The following ZNF536 variants were observed in gnomAD, a reference collection of about 807,000 sequenced individuals.
ZNF536 encodes zinc finger protein 536.
A neutral mutation model predicts 84.5 loss-of-function variants in ZNF536; 13 were observed. The ratio of observed to expected loss-of-function variants is 0.15; its 90% CI spans 0.10 to 0.24. The LOEUF is 0.24. Among genes scored for constraint, ZNF536 ranks in the 10% least tolerant of loss-of-function variants. The pLI, the probability that ZNF536 is intolerant of heterozygous loss-of-function variation, is 1.00. For missense variants in ZNF536, 1,536 were observed against 1,747.5 expected (o/e 0.88, Z 2.16); for synonymous variants, 811 against 742.5 (o/e 1.09, Z -1.50).
At chr19:30,437,129 TA>T (rs1233748617) in intron 1 of ZNF536, among the ~76,000 whole-genome samples, 1 of 152,250 alleles carries the variant, frequency 6.6e-6, no homozygotes, top group Non-Finnish European at 1.5e-5. Flanking sequence ...GCAAGATCTA[TA>T]TTTTTTTGGA....
rs531828089 is a variant in ZNF536, at chr19:30,446,530, G to A, written c.2170+798G>A. 9.2e-5 allele frequency among the ~76,000 whole-genome samples: 14 copies of A among 151,938 alleles called. No individual in the cohort carries two copies. The East Asian group carries it at 1.7e-3, about 19-fold the overall frequency. ...CCCATAATTCTCTCATGCAGGCACCGCAGTCTCCCTCCCCAAGCCAAACCT... is the reference window on the plus strand; with the variant it reads ...CCCATAATTCTCTCATGCAGGCACCACAGTCTCCCTCCCCAAGCCAAACCT... On this transcript the variant is annotated intron_variant, in intron 2 of 4. Transcript: ENST00000355537.
At chr19:30,267,958 T>G (rs1269837185) in intron 1 of ZNF536, among the ~76,000 whole-genome samples, 1 of 152,048 alleles carries the variant, frequency 6.6e-6, no homozygotes, top group Non-Finnish European at 1.5e-5. Context: ...TTATGATATC[T>G]GTTCTTGGCA....
At chr19:30,412,180 A>G (rs1306850149) in intron 1 of ZNF536, among the ~76,000 whole-genome samples, 1 of 152,066 alleles carries the variant, frequency 6.6e-6, no homozygotes, top group East Asian at 1.9e-4. Context: ...ACTGTGAATA[A>G]TGACAGTTTT....
chr19:30,692,361 T>C (rs1259008260), intron 1 of ZNF536, among the ~76,000 whole-genome samples: 1 of 151,950 alleles, frequency 6.6e-6, no homozygotes, highest in Non-Finnish European at 1.5e-5. Flanking sequence ...TCTGGGAGAG[T>C]GGCTTTGCAG....
At chr19:30,544,722 C>G (rs141246527) in intron 3 of ZNF536, among the ~76,000 whole-genome samples, 1 of 152,310 alleles carries the variant, frequency 6.6e-6, no homozygotes, top group Non-Finnish European at 1.5e-5. Context: ...GTGTGTGAAT[C>G]AAACTGAAGG....
intron 1 of ZNF536, among the ~76,000 whole-genome samples, chr19:30,409,003 G>C (rs2050376825): frequency 7.9e-6 from 1 of 126,076 alleles, no homozygotes; most frequent in Non-Finnish European, 1.7e-5. Flanking sequence ...ATCATCCATT[G>C]GTCCATCCAT....
At chr19:30,570,702 G>A (rs1331158150) in intron 1 of ZNF536, among the ~76,000 whole-genome samples, 1 of 151,920 alleles carries the variant, frequency 6.6e-6, no homozygotes, top group Non-Finnish European at 1.5e-5. Flanking sequence ...TCTTTACTTT[G>A]TTTTTAAGGG....
chr19:30,329,657 A>G (rs903161776), intron 2 of ZNF536, among the ~76,000 whole-genome samples: 2 of 152,234 alleles, frequency 1.3e-5, no homozygotes, highest in African/African-American at 4.8e-5. Context: ...GGCGTGATAC[A>G]GACAAAAGTT....
intron 1 of ZNF536, among the ~76,000 whole-genome samples, chr19:30,394,067 A>G (rs953804333): frequency 2.6e-5 from 4 of 152,304 alleles, no homozygotes; most frequent in African/African-American, 9.6e-5. Context: ...GGGCACGTGC[A>G]GATGGAAAAA....
intron 2 of ZNF536, among the ~76,000 whole-genome samples, chr19:30,488,714 T>C (rs2054390956): frequency 6.6e-6 from 1 of 152,088 alleles, no homozygotes; most frequent in African/African-American, 2.4e-5. Flanking sequence ...GCTGGAGGAA[T>C]CTGTGCCGAA....
intron 1 of ZNF536, among the ~76,000 whole-genome samples, chr19:30,403,997 T>A (rs2050158134): frequency 6.6e-6 from 1 of 152,004 alleles, no homozygotes; most frequent in Non-Finnish European, 1.5e-5. Flanking sequence ...CCTCTACATT[T>A]TTTTCTTTCC....
intron 1 of ZNF536, among the ~76,000 whole-genome samples, chr19:30,416,931 T>A (rs1295063819): frequency 6.6e-6 from 1 of 152,132 alleles, no homozygotes; most frequent in Non-Finnish European, 1.5e-5. Flanking sequence ...TATTTGAGGC[T>A]GTTCTTTGGC....
intron 1 of ZNF536, among the ~76,000 whole-genome samples, chr19:30,380,525 T>C (rs1168247590): frequency 6.6e-6 from 1 of 151,942 alleles, no homozygotes; most frequent in African/African-American, 2.4e-5. Context: ...CACAGAAGAG[T>C]CATAAATGTT....
chr19:30,589,161 G>A (rs760573308), intron 1 of ZNF536, among the ~76,000 whole-genome samples: 4 of 152,180 alleles, frequency 2.6e-5, no homozygotes, highest in Non-Finnish European at 5.9e-5. Flanking sequence ...GGCCATGCTT[G>A]GGAGGGCTCT....
chr19:30,370,239 G>C (rs1212226489), upstream of ZNF536, among the ~76,000 whole-genome samples: 1 of 152,214 alleles, frequency 6.6e-6, no homozygotes, highest in African/African-American at 2.4e-5. Flanking sequence ...GATTAGTGGA[G>C]TGCTATACTT....
chr19:30,681,960 C>G (rs1403629407), intron 1 of ZNF536, among the ~76,000 whole-genome samples: 3 of 152,142 alleles, frequency 2.0e-5, no homozygotes, highest in African/African-American at 7.2e-5. Flanking sequence ...TCCACTGTGT[C>G]TTCCGTAAGC....
At chr19:30,451,244 T>C (rs2052593062) in intron 2 of ZNF536, among the ~76,000 whole-genome samples, 1 of 152,244 alleles carries the variant, frequency 6.6e-6, no homozygotes, top group Non-Finnish European at 1.5e-5. Flanking sequence ...GTCTGTCCAC[T>C]TGGGACGCCC....
At chr19:30,576,036 C>G (rs2046723668) in intron 1 of ZNF536, among the ~76,000 whole-genome samples, 1 of 152,182 alleles carries the variant, frequency 6.6e-6, no homozygotes, top group Non-Finnish European at 1.5e-5. Flanking sequence ...GTATAAGGGT[C>G]AAGTGTGCCC....
At chr19:30,256,678 CG>C (rs2024932960) in intron 1 of ZNF536, among the ~76,000 whole-genome samples, 1 of 152,046 alleles carries the variant, frequency 6.6e-6, no homozygotes, top group African/African-American at 2.4e-5. Context: ...TCTCTGAAGC[CG>C]GGCCTCTGGA....
Sources: gnomAD v4.1 joint callset for allele counts (sites outside exome capture counted in the v4.1 genomes callset) on GRCh38, gnomAD v4.1.1 for gene constraint, MANE v1.5 for transcripts, NCBI Gene and HGNC (gene_info 2026-07-23, HGNC 2026-07-21) for gene names.